The following OTOP3 variants were observed in gnomAD, a reference collection of about 807,000 sequenced individuals.
OTOP3 encodes the protein proton channel OTOP3.
In OTOP3, 41 loss-of-function variants were observed where a neutral mutation model predicts 50.8. That is an observed-to-expected ratio of 0.81 (90% CI 0.63 to 1.05). The LOEUF is 1.05. Among genes scored for constraint, OTOP3 ranks in the 50% least tolerant of loss-of-function variants. The pLI, the probability that OTOP3 is intolerant of heterozygous loss-of-function variation, is 0.00. For synonymous variants in OTOP3, 320 were observed against 324.4 expected (o/e 0.99, Z 0.14); for missense variants, 788 against 760.8 (o/e 1.04, Z -0.42).
At position 74,947,333 on chromosome 17, in the gene OTOP3, C is replaced by T; in HGVS notation, c.1424C>T (p.Pro475Leu). 1 of 1,613,226 alleles carries T rather than the reference C, an allele frequency of 6.2e-7. No homozygotes were observed. Among genetic ancestry groups the T allele is most frequent in the Non-Finnish European group, 8.5e-7 (1 of 1,179,926 alleles). Residue 475 changes from proline to leucine, a missense_variant, in exon 6 of 7, where the codon CCT (proline) becomes CTT (leucine). Transcript: ENST00000328801. ...CTGGCAGGAAAGCAGGAGGCTGAGC[C>T]TCCCCGCAGAGGCTCCTTGCTGGAG... is the stretch of plus-strand genomic sequence containing the variant. Reference protein sequence around the residue: ...EGLAGKQEAEPPRRGSLLELG... With the variant: ...EGLAGKQEAELPRRGSLLELG...
intron 1 of OTOP3, among the ~76,000 whole-genome samples, chr17:74,938,709 C>T (rs2039142536): frequency 1.3e-5 from 2 of 152,130 alleles, no homozygotes; most frequent in Admixed American, 6.6e-5. Flanking sequence ...TAATCATACA[C>T]CTCTCATTTT....
At chr17:74,943,402 T>C in intron 4 of OTOP3, 58 bp downstream of exon 4, 1 of 1,572,574 alleles carries the variant, frequency 6.4e-7, no homozygotes, top group Non-Finnish European at 8.8e-7. Flanking sequence ...ACCACTTCCC[T>C]GGTCAGGGTG....
chr17:74,935,838 C>A, upstream of OTOP3: 3 of 1,530,178 alleles, frequency 2.0e-6, no homozygotes, highest in Non-Finnish European at 2.7e-6. Flanking sequence ...TGCGCAGTCC[C>A]GCTGGGGGAG....
At chr17:74,943,433 T>C in intron 4 of OTOP3, 89 bp downstream of exon 4, 4 of 1,477,696 alleles carry the variant, frequency 2.7e-6, no homozygotes, top group Non-Finnish European at 3.8e-6. Context: ...TATAGGTTAG[T>C]CTGGGATGTG....
At chr17:74,945,177 A>G (rs536498613) in intron 5 of OTOP3, among the ~76,000 whole-genome samples, 1 of 152,234 alleles carries the variant, frequency 6.6e-6, no homozygotes, top group South Asian at 2.1e-4. Context: ...ACTCATCTCA[A>G]ACTACTGGGT....
chr17:74,944,079 A>G (rs1433005974), intron 5 of OTOP3, among the ~76,000 whole-genome samples: 1 of 152,196 alleles, frequency 6.6e-6, no homozygotes, highest in Non-Finnish European at 1.5e-5. Context: ...CCCGGCTGAA[A>G]GGAATATCTT....
chr17:74,941,726 T>C lies in OTOP3; in HGVS notation c.353T>C (p.Leu118Pro), dbSNP rs779228269. Residue 118 changes from leucine (L) to proline (P), a missense_variant, in exon 2 of 7, where the codon CTT (leucine) becomes CCT (proline). By Grantham distance (98) the Leu-to-Pro change is moderately conservative. Coordinates refer to ENST00000328801, the MANE Select transcript of OTOP3 (RefSeq NM_001272005.2). Reference sequence around the variant, plus strand: ...CTGAAGGTCCTCTCCCTGCTTTGGCTTCTCTACTATGTGGCAAGCACCACC... The same window carrying C: ...CTGAAGGTCCTCTCCCTGCTTTGGCCTCTCTACTATGTGGCAAGCACCACC... ...ATLKVLSLLW[L>P]LYYVASTTRR... 1.7e-5 allele frequency: 28 copies of C among 1,613,946 alleles called. No homozygotes were observed. The highest frequency in any genetic ancestry group is 2.4e-5 in the Non-Finnish European group (28 of 1,179,988).
chr17:74,937,170 C>T (rs544861106), intron 1 of OTOP3, among the ~76,000 whole-genome samples: 134 of 152,118 alleles, frequency 8.8e-4, no homozygotes, highest in African/African-American at 3.2e-3. Context: ...TTGCCATGTT[C>T]CCCAGGCTGG....
chr17:74,938,738 T>A (rs1275476869), intron 1 of OTOP3, among the ~76,000 whole-genome samples: 1 of 152,142 alleles, frequency 6.6e-6, no homozygotes, highest in African/African-American at 2.4e-5. Context: ...ATGCAGGCTG[T>A]GTCAGTAATT....
chr17:74,943,396 C>T, intron 4 of OTOP3, 52 bp downstream of exon 4: 1 of 1,585,664 alleles, frequency 6.3e-7, no homozygotes, highest in Non-Finnish European at 8.7e-7. Context: ...CTCCCCACCA[C>T]TTCCCTGGTC....
chr17:74,947,554 TC>T lies in OTOP3; in HGVS notation c.1566+80del, dbSNP rs534920221. The T allele has an allele frequency of 4.5e-4, 593 of 1,309,590 alleles. 3 individuals are homozygous for T. The African/African-American group carries it at 8.1e-3, about 18-fold the overall frequency. The allele number at this position is 1,309,590 out of a possible 1,614,324, so 81.1% of individuals were successfully genotyped here. ...AAAGCCTCACTCAGGAAGGGATGGA[TC>T]AAGGACACATCTTTTTCCAACTAGC... On this transcript the variant is annotated intron_variant, in intron 6 of 6. Transcript: ENST00000328801.
chr17:74,935,887 G>T (rs1335655605), upstream of OTOP3: 3 of 1,547,504 alleles, frequency 1.9e-6, no homozygotes, highest in Non-Finnish European at 2.6e-6. Flanking sequence ...CGGACGATCC[G>T]CTCAGCGCCC....
chr17:74,937,026 G>C (rs886751282), intron 1 of OTOP3, among the ~76,000 whole-genome samples: 1 of 137,326 alleles, frequency 7.3e-6, no homozygotes, highest in African/African-American at 2.7e-5. Flanking sequence ...TCACTGTGGC[G>C]ATCACAGCTC....
intron 1 of OTOP3, among the ~76,000 whole-genome samples, chr17:74,936,257 T>C (rs1200056654): frequency 6.6e-6 from 1 of 152,168 alleles, no homozygotes; most frequent in Non-Finnish European, 1.5e-5. Flanking sequence ...TGGGGCTGTC[T>C]GGACGCCCGG....
chr17:74,935,886 C>G (rs1393992758), upstream of OTOP3: 1 of 1,547,338 alleles, frequency 6.5e-7, no homozygotes. Context: ...ACGGACGATC[C>G]GCTCAGCGCC....
Position 74,941,577 on chromosome 17 carries a change from T to C in OTOP3, c.204T>C (p.Ala68=), listed in dbSNP as rs2144781701. 1 of 1,611,870 alleles carries C rather than the reference T, an allele frequency of 6.2e-7. No homozygotes were observed. The highest frequency in any genetic ancestry group is 8.5e-7 in the Non-Finnish European group (1 of 1,178,642). Residue 68 remains alanine (A), a synonymous_variant, in exon 2 of 7, where the codon GCT becomes GCC. Transcript: ENST00000328801. The part of the protein sequence containing the change: ...LLRRDRQAQK[A]GQLFSGLLAL... ...GGCGGGACCGGCAGGCCCAGAAGGC[T>C]GGACAACTCTTCTCGGGGCTCCTGG...
At chr17:74,940,601 T>C (rs1379282301) in intron 1 of OTOP3, among the ~76,000 whole-genome samples, 2 of 152,110 alleles carry the variant, frequency 1.3e-5, no homozygotes, top group Non-Finnish European at 2.9e-5. Flanking sequence ...CAGATTCTCA[T>C]AGGAGCACAA....
chr17:74,940,171 T>TG, intron 1 of OTOP3, among the ~76,000 whole-genome samples: 1 of 147,842 alleles, frequency 6.8e-6, no homozygotes, highest in African/African-American at 2.5e-5. Context: ...TCGGCTTTTT[T>TG]GTTTTTTTTT....
At chr17:74,942,149 A>G (rs1035194840) in intron 3 of OTOP3, 112 bp downstream of exon 3, 110 of 1,349,510 alleles carry the variant, frequency 8.2e-5, no homozygotes, top group Non-Finnish European at 9.5e-5. Flanking sequence ...CAAATACCTA[A>G]TGTCCCAGGG....
Sources: gnomAD v4.1 joint callset for allele counts (sites outside exome capture counted in the v4.1 genomes callset) on GRCh38, gnomAD v4.1.1 for gene constraint, MANE v1.5 for transcripts, NCBI Gene and HGNC (gene_info 2026-07-23, HGNC 2026-07-21) for gene names.